DNAH8: variants seen among roughly 807,000 people sequenced by gnomAD.
DNAH8 encodes the protein axonemal beta dynein heavy chain 8.
Under a neutral mutation model 562.1 loss-of-function variants are expected in DNAH8, and 382 were observed. The ratio of observed to expected loss-of-function variants is 0.68; its 90% CI spans 0.63 to 0.74. The LOEUF is 0.74. Ranked by LOEUF, DNAH8 falls within the 30% of genes least tolerant of loss-of-function variation. DNAH8 has a pLI of 0.00. For synonymous variants in DNAH8, 1,881 were observed against 1,919.4 expected (o/e 0.98, Z 0.52); for missense variants, 5,203 against 5,620.4 (o/e 0.93, Z 2.37).
At chr6:38,813,954 A>G (rs1235562540) in intron 24 of DNAH8, 100 bp from the exon 25 acceptor site, 1 of 891,064 alleles carries the variant, frequency 1.1e-6, no homozygotes, top group African/African-American at 1.7e-5. Flanking sequence ...TTGGCCTTTT[A>G]AAAATGATCT....
intron 91 of DNAH8, among the ~76,000 whole-genome samples, chr6:39,015,715 T>C (rs1299633593): frequency 1.3e-5 from 2 of 152,248 alleles, no homozygotes; most frequent in Non-Finnish European, 2.9e-5. Context: ...AATGGACTAA[T>C]ACATCACATT....
chr6:38,982,391 T>C lies in DNAH8; in HGVS notation c.12880T>C (p.Phe4294Leu). 2 of 1,612,446 alleles carry C rather than the reference T, an allele frequency of 1.2e-6. No homozygotes were observed. The highest frequency in any genetic ancestry group is 1.7e-6 in the Non-Finnish European group (2 of 1,178,584). ...CTTAGGATGGAATATTCCCTACGAA[T>C]TCAATTCTGCTGACTTTTCAGCCAG... ...GPLGWNIPYE[F>L]NSADFSASVQ... Residue 4294 changes from phenylalanine to leucine, a missense_variant, in exon 86 of 93, where the codon TTC becomes CTC. Around this residue, in one of 6 missense-constraint regions of DNAH8, gnomAD observed 1,399 missense variants for 1,518.4 expected, o/e 0.92. Coordinates refer to ENST00000327475, the MANE Select transcript of DNAH8 (RefSeq NM_001206927.2).
intron 42 of DNAH8, among the ~76,000 whole-genome samples, chr6:38,858,210 G>A (rs1262204859): frequency 6.6e-6 from 1 of 152,188 alleles, no homozygotes; most frequent in South Asian, 2.1e-4. Flanking sequence ...CAGTGGCCTT[G>A]ACCAAGGCCA....
Position 38,799,635 on chromosome 6 carries a change from C to T in DNAH8, c.2902-3544C>T, listed in dbSNP as rs12204857. 8.7e-3 allele frequency among the ~76,000 whole-genome samples: 1,326 copies of T among 152,268 alleles called. 6 individuals are homozygous for T. Among genetic ancestry groups the T allele is most frequent in the Non-Finnish European group, 0.015 (1,000 of 68,020 alleles). ...TAAAATTCACATACCCTACAATTCA[C>T]CCATTTAAAGTGTACATCTCAATGC... On this transcript the variant is annotated intron_variant, in intron 21 of 92. Transcript: ENST00000327475.
Position 38,984,205 on chromosome 6 carries a change from G to T in DNAH8, c.12952-1G>T. 1 of 1,522,842 alleles carries T rather than the reference G, an allele frequency of 6.6e-7. No individual in the cohort carries two copies. Among genetic ancestry groups the T allele is most frequent in the Non-Finnish European group, 9.1e-7 (1 of 1,100,900 alleles). The allele number at this position is 1,522,842 out of a possible 1,614,324, so 94.3% of individuals were successfully genotyped here. A position where few individuals can be genotyped will look rare whatever the true frequency, so the allele number is the denominator to read the frequency against. On this transcript the variant is annotated splice_acceptor_variant, in intron 86 of 92. Coordinates refer to ENST00000327475, the MANE Select transcript of DNAH8 (RefSeq NM_001206927.2). LOFTEE classifies it high-confidence loss of function. ...ATAATCCTTTTTTACTTTTAATAAA[G>T]GGTGTATCATGGAATACGGTTCGGT...
chr6:38,828,354 A>T (rs978750636), intron 30 of DNAH8, 66 bp downstream of exon 30: 12 of 982,626 alleles, frequency 1.2e-5, no homozygotes, highest in African/African-American at 6.7e-5. Context: ...AAGGTATTTT[A>T]TACCTTTTTA....
chr6:38,729,918 AT>A lies in DNAH8; in HGVS notation c.549del (p.Phe183LeufsTer9). The A allele has an allele frequency of 5.1e-6, 8 of 1,579,012 alleles. No homozygotes were observed. The highest frequency in any genetic ancestry group is 1.1e-5 in the South Asian group (1 of 87,922). On this transcript the variant is annotated frameshift_variant, in exon 4 of 93. Coordinates refer to ENST00000327475, the MANE Select transcript of DNAH8 (RefSeq NM_001206927.2). LOFTEE classifies it high-confidence loss of function. ...LDCPSLEAFT[N>X]FFAKDGCKTL... Reference sequence around the variant, plus strand: ...ATTTAACAGCTGGAAGCATTTACTAATTTTTTTGCGAAAGATGGTTGTAAGA... The same window carrying A: ...ATTTAACAGCTGGAAGCATTTACTAATTTTTTGCGAAAGATGGTTGTAAGA...
At chr6:38,862,873 G>A (rs1020143873) in intron 44 of DNAH8, among the ~76,000 whole-genome samples, 2 of 152,138 alleles carry the variant, frequency 1.3e-5, no homozygotes, top group African/African-American at 2.4e-5. Flanking sequence ...ATCCTGAAAG[G>A]TACGTAGAAC....
chr6:38,734,053 G>A (rs1160143994), intron 4 of DNAH8, among the ~76,000 whole-genome samples: 2 of 151,726 alleles, frequency 1.3e-5, no homozygotes, highest in African/African-American at 2.4e-5. Flanking sequence ...GGAGGCTGAG[G>A]TGGGCAGATC....
Position 39,008,149 on chromosome 6 carries a change from A to G in DNAH8, c.13215-665A>G, listed in dbSNP as rs185298186. On this transcript the variant is annotated intron_variant, in intron 88 of 92. Transcript: ENST00000327475. ...ACTTGTTAGAATGGGATTATCTAAT[A>G]TCTATCTCCTCCACTAGAGAACAGA... Among the ~76,000 whole-genome samples the G allele has an allele frequency of 1.8e-3, 278 of 152,080 alleles. 1 individual carries two copies. Among genetic ancestry groups the G allele is most frequent in the Non-Finnish European group, 2.9e-3 (199 of 67,976 alleles).
chr6:38,805,658 A>C, intron 23 of DNAH8, 62 bp downstream of exon 23: 1 of 916,566 alleles, frequency 1.1e-6, no homozygotes, highest in Non-Finnish European at 1.7e-6. Context: ...ATTATAGATA[A>C]CCCCATATGG....
Position 38,949,438 on chromosome 6 carries a change from C to G in DNAH8, c.12130-14C>G. On this transcript the variant is annotated splice_polypyrimidine_tract_variant and intron_variant, in intron 80 of 92. Transcript: ENST00000327475. ...TATAGTTCTGTGGCTTGCTAATTGG[C>G]TTGCTTCTTTTAGATATCTCGTAAT... 1 of 1,530,452 alleles carries G rather than the reference C, an allele frequency of 6.5e-7. No homozygotes were observed. The highest frequency in any genetic ancestry group is 9.1e-7 in the Non-Finnish European group (1 of 1,104,210). 94.8% of individuals were successfully genotyped at this position (1,530,452 alleles called of 1,614,324 possible).
chr6:39,028,898 G>A (rs747536891), intron 92 of DNAH8, among the ~76,000 whole-genome samples: 2 of 151,962 alleles, frequency 1.3e-5, no homozygotes, highest in Admixed American at 6.5e-5. Flanking sequence ...CACACGGTGA[G>A]CCCCCACAGG....
chr6:39,000,451 C>G (rs923969702), intron 88 of DNAH8, among the ~76,000 whole-genome samples: 3 of 152,324 alleles, frequency 2.0e-5, no homozygotes, highest in Non-Finnish European at 2.9e-5. Flanking sequence ...AGGAGGTGAG[C>G]AGCAGGTGAG....
At chr6:38,798,489 G>T (rs542594055) in intron 21 of DNAH8, among the ~76,000 whole-genome samples, 2 of 152,152 alleles carry the variant, frequency 1.3e-5, no homozygotes, top group Admixed American at 6.5e-5. Flanking sequence ...GCTTTACTTT[G>T]TGTGGCCTCA....
chr6:38,742,778 C>T (rs1053891109), intron 8 of DNAH8, among the ~76,000 whole-genome samples: 3 of 141,896 alleles, frequency 2.1e-5, no homozygotes, highest in Admixed American at 6.9e-5. Flanking sequence ...GACAACTGCA[C>T]TTTTCTATTT....
intron 4 of DNAH8, 146 bp from the exon 5 acceptor site, chr6:38,734,328 C>CG: frequency 3.3e-6 from 2 of 597,540 alleles, no homozygotes; most frequent in Non-Finnish European, 4.7e-6. Context: ...TCTAGTAGAC[C>CG]CCCCCCCAAA....
At chr6:38,802,515 C>T (rs1387513502) in intron 21 of DNAH8, among the ~76,000 whole-genome samples, 1 of 152,202 alleles carries the variant, frequency 6.6e-6, no homozygotes, top group African/African-American at 2.4e-5. Context: ...TCAACTTCTT[C>T]CTAAAGCATT....
intron 25 of DNAH8, among the ~76,000 whole-genome samples, 155 bp from the exon 26 acceptor site, chr6:38,815,313 T>C (rs1772146392): frequency 1.3e-5 from 2 of 152,170 alleles, no homozygotes. Flanking sequence ...AAAATCTGCA[T>C]CCTCCCCATC....
Sources: gnomAD v4.1 joint callset for allele counts (sites outside exome capture counted in the v4.1 genomes callset) on GRCh38, gnomAD v4.1.1 for gene constraint, gnomAD v4.1.1 regional missense constraint, MANE v1.5 for transcripts, NCBI Gene and HGNC (gene_info 2026-07-23, HGNC 2026-07-21) for gene names.